The following TRIM24 variants were observed in gnomAD, a reference collection of about 807,000 sequenced individuals.
TRIM24 encodes tripartite motif containing 24.
In TRIM24, 29 loss-of-function variants were observed where a neutral mutation model predicts 123.9. The ratio of observed to expected loss-of-function variants is 0.23; its 90% CI spans 0.17 to 0.32. The LOEUF (loss-of-function observed/expected upper bound fraction) is 0.32. TRIM24 is among the 10% of genes least tolerant of loss of function. The probability of loss-of-function intolerance (pLI) is 1.00; values close to 1 mark genes in which losing one functional copy is unlikely to be tolerated. For synonymous variants in TRIM24, 456 were observed against 461.1 expected (o/e 0.99, Z 0.14); for missense variants, 932 against 1,295.3 (o/e 0.72, Z 4.31).
intron 15 of TRIM24, among the ~76,000 whole-genome samples, chr7:138,580,213 C>A (rs1232023849): frequency 1.3e-5 from 2 of 152,038 alleles, no homozygotes; most frequent in Admixed American, 6.5e-5. Context: ...AAGAATAGTA[C>A]AAAGAGCTTT....
In TRIM24 at chr7:138,460,842, G is replaced by C. The variant is rs1792337683; in HGVS notation, c.294G>C (p.Ser98=). 2 of 1,568,702 alleles carry C rather than the reference G, an allele frequency of 1.3e-6. No individual in the cohort carries two copies. Among genetic ancestry groups the C allele is most frequent in the Non-Finnish European group, 1.7e-6 (2 of 1,164,774 alleles). The change falls in exon 1 of 19, where the codon TCG becomes TCC. Residue 98 remains serine, a synonymous_variant. Coordinates refer to ENST00000343526, the MANE Select transcript of TRIM24 (RefSeq NM_015905.3). ...YLMLPAPMLG[S]AETPPPVPAP... is the part of the protein sequence containing the mutation. The stretch of plus-strand genomic sequence containing the variant: ...TGCTGCCCGCGCCCATGCTGGGCTC[G>C]GCCGAGACCCCGCCACCCGTCCCTG...
intron 14 of TRIM24, 43 bp downstream of exon 14, chr7:138,577,631 T>G: frequency 6.8e-7 from 1 of 1,461,386 alleles, no homozygotes; most frequent in Non-Finnish European, 9.1e-7. Flanking sequence ...GCATGGTGGG[T>G]AGGGTGAGAG....
intron 1 of TRIM24, among the ~76,000 whole-genome samples, chr7:138,500,584 A>G (rs35214793): frequency 9.4e-5 from 14 of 149,016 alleles, no homozygotes; most frequent in East Asian, 2.0e-4. Flanking sequence ...AAAAAAAAAA[A>G]GGAATAAGGC....
chr7:138,586,919 T>C lies in TRIM24; in HGVS notation c.*1968T>C, dbSNP rs1351862995. 1 of 152,260 alleles carries C rather than the reference T, an allele frequency of 6.6e-6. No individual in the cohort carries two copies. Among genetic ancestry groups the C allele is most frequent in the Non-Finnish European group, 1.5e-5 (1 of 68,046 alleles). The allele number at this position is 152,260 out of a possible 1,614,324, so 9.4% of individuals were successfully genotyped here. On this transcript the variant is annotated 3_prime_UTR_variant, in exon 19 of 19. Transcript: ENST00000343526. ...ACTATAATTTCCTAAATGTGACTAA[T>C]GAACCCCAAACTGTCACTATTACAT... is the stretch of plus-strand genomic sequence containing the variant.
intron 6 of TRIM24, among the ~76,000 whole-genome samples, chr7:138,537,357 C>T (rs561136140): frequency 8.8e-5 from 13 of 148,216 alleles, no homozygotes; most frequent in African/African-American, 3.0e-4. Context: ...ATCTTGGAAC[C>T]ACTCCTCCGC....
In TRIM24 at chr7:138,576,511, T is replaced by A. The variant is rs939563450; in HGVS notation, c.2087+66T>A. 23 of 1,436,620 alleles carry A rather than the reference T, an allele frequency of 1.6e-5. 1 individual carries two copies. The South Asian group carries it at 2.7e-4, about 17-fold the overall frequency. The allele number at this position is 1,436,620 out of a possible 1,614,324, so 89.0% of individuals were successfully genotyped here. A position where few individuals can be genotyped will look rare whatever the true frequency, so the allele number is the denominator to read the frequency against. On this transcript the variant is annotated intron_variant, in intron 13 of 18. Coordinates refer to ENST00000343526, the MANE Select transcript of TRIM24 (RefSeq NM_015905.3). Reference sequence around the variant, plus strand: ...CTAATTAGATTTCTTTTGCCAGTGTTCAACATGTTTTGATACTCAATATAT... The same window carrying A: ...CTAATTAGATTTCTTTTGCCAGTGTACAACATGTTTTGATACTCAATATAT...
chr7:138,507,831 G>C (rs1479112355), intron 2 of TRIM24, among the ~76,000 whole-genome samples: 3 of 151,962 alleles, frequency 2.0e-5, no homozygotes, highest in Non-Finnish European at 4.4e-5. Context: ...TAGTTGGGAG[G>C]CTGAGGTTGC....
At chr7:138,474,106 C>G (rs929681296) in intron 1 of TRIM24, among the ~76,000 whole-genome samples, 2 of 148,788 alleles carry the variant, frequency 1.3e-5, no homozygotes, top group African/African-American at 5.0e-5. Context: ...ATAAGAATTT[C>G]TAGATTTATC....
intron 1 of TRIM24, among the ~76,000 whole-genome samples, chr7:138,502,417 T>C (rs1014889638): frequency 3.9e-5 from 6 of 152,234 alleles, no homozygotes; most frequent in African/African-American, 1.4e-4. Flanking sequence ...TATTACTCTT[T>C]TATAGAAGAT....
In TRIM24 at chr7:138,507,536, TG is replaced by T. The variant is rs1796176732; in HGVS notation, c.483+3130del. ...CAAGGTTTCACCATGTTCGCCAGAC[TG>T]GTTGCAAACTCCTGACCTCAGGTGG... On this transcript the variant is annotated intron_variant, in intron 2 of 18. Coordinates refer to ENST00000343526, the MANE Select transcript of TRIM24 (RefSeq NM_015905.3). Among the ~76,000 whole-genome samples, 5 of 152,150 alleles carry T rather than the reference TG, an allele frequency of 3.3e-5. No individual in the cohort carries two copies. In the South Asian group the frequency reaches 1.0e-3, roughly 32 times the overall value.
In TRIM24 at chr7:138,537,386, T is replaced by G. The variant is rs903225671; in HGVS notation, c.997-1271T>G. On this transcript the variant is annotated intron_variant, in intron 6 of 18. Coordinates refer to ENST00000343526, the MANE Select transcript of TRIM24 (RefSeq NM_015905.3). ...CCTCCGCCACCCCTGTTTGTTTTTTTTTTTTTTTTTTTTTTTTTTTTTGTA... is the reference window on the plus strand; with the variant it reads ...CCTCCGCCACCCCTGTTTGTTTTTTGTTTTTTTTTTTTTTTTTTTTTTGTA... Among the ~76,000 whole-genome samples, 89 of 124,816 alleles carry G rather than the reference T, an allele frequency of 7.1e-4. 1 individual carries two copies. Among genetic ancestry groups the G allele is most frequent in the Admixed American group, 1.6e-3 (20 of 12,266 alleles). The allele number at this position is 124,816 out of a possible 152,430, so 81.9% of individuals were successfully genotyped here. A position where few individuals can be genotyped will look rare whatever the true frequency, so the allele number is the denominator to read the frequency against.
chr7:138,474,361 G>A (rs183648632), intron 1 of TRIM24, among the ~76,000 whole-genome samples: 6 of 151,968 alleles, frequency 3.9e-5, no homozygotes, highest in Non-Finnish European at 5.9e-5. Flanking sequence ...TCCTGACCTC[G>A]TGATCTACCC....
At chr7:138,578,566 G>GCGCGCA (rs1797821989) in intron 14 of TRIM24, among the ~76,000 whole-genome samples, 4 of 132,086 alleles carry the variant, frequency 3.0e-5, no homozygotes, top group Non-Finnish European at 4.9e-5. Flanking sequence ...GTGTGTGTGC[G>GCGCGCA]CGCACGCACG....
intron 1 of TRIM24, among the ~76,000 whole-genome samples, chr7:138,492,239 C>G (rs1385950048): frequency 8.0e-6 from 1 of 124,788 alleles, no homozygotes; most frequent in Non-Finnish European, 1.6e-5. Context: ...TATCACTGTC[C>G]TCTAGCCTGG....
At chr7:138,577,053 T>C (rs1797775537) in intron 13 of TRIM24, among the ~76,000 whole-genome samples, 1 of 152,204 alleles carries the variant, frequency 6.6e-6, no homozygotes. Flanking sequence ...GATTATTTCA[T>C]TGTCTTCACC....
At chr7:138,468,027 A>G (rs542675235) in intron 1 of TRIM24, among the ~76,000 whole-genome samples, 2 of 152,280 alleles carry the variant, frequency 1.3e-5, no homozygotes, top group East Asian at 3.9e-4. Flanking sequence ...CCAATACAAT[A>G]TTGACTAGAA....
chr7:138,527,711 G>A (rs1441003367), intron 5 of TRIM24, among the ~76,000 whole-genome samples: 1 of 152,148 alleles, frequency 6.6e-6, no homozygotes, highest in African/African-American at 2.4e-5. Flanking sequence ...AAAGTTTGGT[G>A]GATGCTCTGT....
chr7:138,494,113 C>G (rs1249645401), intron 1 of TRIM24, among the ~76,000 whole-genome samples: 1 of 151,972 alleles, frequency 6.6e-6, no homozygotes, highest in Non-Finnish European at 1.5e-5. Context: ...TCCCAAGTAG[C>G]TGGGATTACA....
At chr7:138,583,144 G>A (rs1045816983) in intron 17 of TRIM24, among the ~76,000 whole-genome samples, 3 of 152,190 alleles carry the variant, frequency 2.0e-5, no homozygotes, top group Non-Finnish European at 4.4e-5. Flanking sequence ...ATGACACTGA[G>A]CAGCAGAGCT....
Sources: allele counts gnomAD v4.1 joint callset (sites outside exome capture counted in the v4.1 genomes callset), GRCh38; gene constraint gnomAD v4.1.1; transcripts MANE v1.5; gene names NCBI Gene and HGNC (gene_info 2026-07-23, HGNC 2026-07-21).